Variants in RAB40C observed in about 807,000 individuals in gnomAD.
RAB40C encodes the protein RAB40C, member RAS oncogene family.
In RAB40C, 8 loss-of-function variants were observed where a neutral mutation model predicts 28.1. That is an observed-to-expected ratio of 0.28 (90% confidence interval 0.17 to 0.51). The LOEUF (loss-of-function observed/expected upper bound fraction) is 0.51. Ranked by LOEUF, RAB40C falls within the 20% of genes least tolerant of loss-of-function variation. The probability of loss-of-function intolerance (pLI) is 0.97; values close to 1 mark genes in which losing one functional copy is unlikely to be tolerated. For synonymous variants in RAB40C, 201 were observed against 171.7 expected, an observed-to-expected ratio of 1.17 and a Z score of -1.34; for missense variants, 288 against 405.9, an observed-to-expected ratio of 0.71 and a Z score of 2.50.
At chr16:618,292 T>C in intron 3 of RAB40C, 32 bp downstream of exon 3, 2 of 1,571,732 alleles carry the variant, frequency 1.3e-6, no homozygotes, top group Non-Finnish European at 1.7e-6. Context: ...CCATTGCTTT[T>C]CAAAGGATGT....
At position 628,040 on chromosome 16, in the gene RAB40C, T is replaced by A; in HGVS notation, c.*418T>A. The A allele has an allele frequency of 5.9e-6, 1 of 170,240 alleles. No homozygotes were observed. Among genetic ancestry groups the A allele is most frequent in the Non-Finnish European group, 1.2e-5 (1 of 80,446 alleles). 10.5% of individuals were successfully genotyped at this position (170,240 alleles called of 1,614,324 possible). ...GCCACGCCAGCTGCGGGGACGCACT[T>A]GGGACTCCTCGAGAGGGGACTCGCG... On this transcript the variant is annotated 3_prime_UTR_variant, in exon 6 of 6. Coordinates refer to ENST00000248139, the MANE Select transcript of RAB40C (RefSeq NM_021168.5).
Position 615,185 on chromosome 16 carries a change from C to T in RAB40C, c.143-2023C>T, listed in dbSNP as rs149278187. On this transcript the variant is annotated intron_variant, in intron 1 of 5. Coordinates refer to ENST00000248139, the MANE Select transcript of RAB40C (RefSeq NM_021168.5). The stretch of plus-strand genomic sequence containing the variant: ...GACATTTCCCTCCATCTCTGGGTTG[C>T]ATTTTTCTGTCCATTGATGGTGTCC... Among the ~76,000 whole-genome samples the T allele has an allele frequency of 2.6e-4, 40 of 152,326 alleles. 2 individuals are homozygous for T. In the Middle Eastern group the frequency reaches 0.017, roughly 65 times the overall value.
rs779783816 is a variant in RAB40C at position 596,466 on chromosome 16, C to T, written c.142+6033C>T. ...AGCACATGGTACGATGCCACCCCAC[C>T]GAGGGCCGTTCTGGGGCCCAGGGGC... On this transcript the variant is annotated intron_variant, in intron 1 of 5. Coordinates refer to ENST00000248139, the MANE Select transcript of RAB40C (RefSeq NM_021168.5). 8.6e-5 allele frequency: 31 copies of T among 361,806 alleles called. No homozygotes were observed. In the East Asian group the frequency reaches 1.7e-3, roughly 19 times the overall value. The allele number at this position is 361,806 out of a possible 1,614,324, so 22.4% of individuals were successfully genotyped here. A position where few individuals can be genotyped will look rare whatever the true frequency, so the allele number is the denominator to read the frequency against.
Position 590,070 on chromosome 16 carries a change from C to T in RAB40C, c.-222C>T, listed in dbSNP as rs1261013675. On this transcript the variant is annotated 5_prime_UTR_variant, in exon 1 of 6. Transcript: ENST00000248139. Reference sequence around the variant, plus strand: ...GGCGGCGCGGCCGGGGGTGGGGCGGCGCGGCGGCCCTGGTGGTGCGGGAAG... The same window carrying T: ...GGCGGCGCGGCCGGGGGTGGGGCGGTGCGGCGGCCCTGGTGGTGCGGGAAG... The T allele has an allele frequency of 5.5e-4, 83 of 149,678 alleles. No homozygotes were observed. Among genetic ancestry groups the T allele is most frequent in the Non-Finnish European group, 9.5e-4 (67 of 70,592 alleles). The allele number at this position is 149,678 out of a possible 1,614,324, so 9.3% of individuals were successfully genotyped here. A position where few individuals can be genotyped will look rare whatever the true frequency, so the allele number is the denominator to read the frequency against.
chr16:597,026 G>T (rs532487043), intron 1 of RAB40C, among the ~76,000 whole-genome samples: 2 of 152,334 alleles, frequency 1.3e-5, no homozygotes, highest in South Asian at 2.1e-4. Flanking sequence ...CTGTGGAGAG[G>T]TAGGGACCCA....
chr16:591,356 C>T (rs2035993205), intron 1 of RAB40C, among the ~76,000 whole-genome samples: 2 of 151,772 alleles, frequency 1.3e-5, no homozygotes, highest in African/African-American at 4.8e-5. Flanking sequence ...TGTTATAGAT[C>T]TGGGGAAAGG....
At position 627,990 on chromosome 16, in the gene RAB40C, G is replaced by A. The variant is rs1483010345; in HGVS notation, c.*368G>A. 3 of 213,262 alleles carry A rather than the reference G, an allele frequency of 1.4e-5. No individual in the cohort carries two copies. The highest frequency in any genetic ancestry group is 2.8e-5 in the Non-Finnish European group (3 of 108,322). The allele number at this position is 213,262 out of a possible 1,614,324, so 13.2% of individuals were successfully genotyped here. A position where few individuals can be genotyped will look rare whatever the true frequency, so the allele number is the denominator to read the frequency against. ...TTCAGGGAAGCCTGGGTGTGGCCCG[G>A]TGGTGGTGCACTGGTGACTTCATGG... On this transcript the variant is annotated 3_prime_UTR_variant, in exon 6 of 6. Transcript: ENST00000248139.
Position 627,777 on chromosome 16 carries a change from G to C in RAB40C, c.*155G>C. On this transcript the variant is annotated 3_prime_UTR_variant, in exon 6 of 6. Transcript: ENST00000248139. ...TCACACCTGAGCCGGGTGCGAGGAG[G>C]AGCATGCACGGACCAAGCGCGGCAG... 1 of 952,454 alleles carries C rather than the reference G, an allele frequency of 1.0e-6. No homozygotes were observed. Among genetic ancestry groups the C allele is most frequent in the Non-Finnish European group, 1.5e-6 (1 of 683,832 alleles). The allele number at this position is 952,454 out of a possible 1,614,324, so 59.0% of individuals were successfully genotyped here. A position where few individuals can be genotyped will look rare whatever the true frequency, so the allele number is the denominator to read the frequency against.
chr16:593,124 C>G (rs1471706764), intron 1 of RAB40C, among the ~76,000 whole-genome samples: 1 of 152,244 alleles, frequency 6.6e-6, no homozygotes, highest in Non-Finnish European at 1.5e-5. Flanking sequence ...AACGCGCTTT[C>G]TGTGTCTAAG....
intron 2 of RAB40C, 28 bp downstream of exon 2, chr16:617,296 C>G (rs1400395243): frequency 6.2e-7 from 1 of 1,613,218 alleles, no homozygotes; most frequent in Non-Finnish European, 8.5e-7. Flanking sequence ...CACTTCAGTT[C>G]CTGGGTGAGG....
chr16:607,162 C>T (rs2036376851), intron 1 of RAB40C, among the ~76,000 whole-genome samples: 2 of 152,196 alleles, frequency 1.3e-5, no homozygotes, highest in South Asian at 4.1e-4. Flanking sequence ...GGCACAGGTG[C>T]CACGTCCACT....
chr16:589,527 G>A, upstream of RAB40C: 1 of 152,272 alleles, frequency 6.6e-6, no homozygotes, highest in Non-Finnish European at 1.5e-5. Flanking sequence ...GTGGACTTCC[G>A]AGCCCCTGAT....
chr16:609,895 A>C (rs2036447308), intron 1 of RAB40C, among the ~76,000 whole-genome samples: 1 of 152,100 alleles, frequency 6.6e-6, no homozygotes, highest in South Asian at 2.1e-4. Flanking sequence ...GCACGTCAGG[A>C]TGTGTCTCCA....
At chr16:617,149 C>T in intron 1 of RAB40C, 59 bp from the exon 2 acceptor site, 1 of 1,584,090 alleles carries the variant, frequency 6.3e-7, no homozygotes, top group Non-Finnish European at 8.6e-7. Flanking sequence ...CGAGGCTGGT[C>T]TCGCGGGCGC....
At chr16:619,548 T>C (rs2036668274) in intron 3 of RAB40C, among the ~76,000 whole-genome samples, 1 of 152,322 alleles carries the variant, frequency 6.6e-6, no homozygotes, top group East Asian at 1.9e-4. Flanking sequence ...GCCACTGTTG[T>C]TGCTGCTTCA....
At chr16:611,516 G>C (rs972294575) in intron 1 of RAB40C, among the ~76,000 whole-genome samples, 2 of 152,250 alleles carry the variant, frequency 1.3e-5, no homozygotes, top group Non-Finnish European at 2.9e-5. Context: ...AACCACCGGA[G>C]GAGGGAGGTG....
chr16:618,106 C>T, intron 2 of RAB40C, 94 bp from the exon 3 acceptor site: 1 of 1,265,360 alleles, frequency 7.9e-7, no homozygotes, highest in Admixed American at 2.0e-5. Context: ...CCCCGCTCCC[C>T]TCAGGACATC....
intron 1 of RAB40C, among the ~76,000 whole-genome samples, chr16:606,677 C>T (rs972106536): frequency 3.9e-5 from 6 of 152,220 alleles, no homozygotes; most frequent in African/African-American, 7.2e-5. Flanking sequence ...GGGTGCAAGC[C>T]GAGCCTTTCC....
intron 3 of RAB40C, among the ~76,000 whole-genome samples, chr16:622,983 G>A (rs2151079978): frequency 6.6e-6 from 1 of 152,118 alleles, no homozygotes; most frequent in Middle Eastern, 3.4e-3. Context: ...TGGTCATTTG[G>A]GTCCCTGCGG....
Sources: gnomAD v4.1 joint callset for allele counts (sites outside exome capture counted in the v4.1 genomes callset) on GRCh38, gnomAD v4.1.1 for gene constraint, MANE v1.5 for transcripts, NCBI Gene and HGNC (gene_info 2026-07-23, HGNC 2026-07-21) for gene names.